ARCN1: variants seen among roughly 807,000 people sequenced by gnomAD.
ARCN1 encodes archain 1 coat protein complex I subunit delta, also known as coatomer subunit delta.
ARCN1 carries 5 observed loss-of-function variants against 60.4 expected under a neutral mutation model. The observed-to-expected ratio is 0.08, with a 90% CI of 0.04 to 0.17. ARCN1 has a LOEUF of 0.17. Among genes scored for constraint, ARCN1 ranks in the 10% least tolerant of loss-of-function variants. The pLI, the probability that ARCN1 is intolerant of heterozygous loss-of-function variation, is 1.00. For synonymous variants in ARCN1, 224 were observed against 220.0 expected, an observed-to-expected ratio of 1.02 and a Z score of -0.16; for missense variants, 464 against 626.5, an observed-to-expected ratio of 0.74 and a Z score of 2.77.
In ARCN1 at chr11:118,602,373, C is replaced by T. The variant is rs1939166872; in HGVS notation, c.*1659C>T. 1 of 153,848 alleles carries T rather than the reference C, an allele frequency of 6.5e-6. No homozygotes were observed. Among genetic ancestry groups the T allele is most frequent in the Admixed American group, 6.5e-5 (1 of 15,276 alleles). 9.5% of individuals were successfully genotyped at this position (153,848 alleles called of 1,614,324 possible). ...AGCCTTGGCTTTTAACTCAATATTC[C>T]AGTCCATAGGGGTGGTTAAAAGTTG... On this transcript the variant is annotated 3_prime_UTR_variant, in exon 10 of 10. Transcript: ENST00000264028.
At position 118,601,519 on chromosome 11, in the gene ARCN1, C is replaced by T; in HGVS notation, c.*805C>T. 1.6e-6 allele frequency: 1 copy of T among 640,366 alleles called. No individual in the cohort carries two copies. Among genetic ancestry groups the T allele is most frequent in the South Asian group, 1.8e-5 (1 of 55,166 alleles). The allele number at this position is 640,366 out of a possible 1,614,324, so 39.7% of individuals were successfully genotyped here. ...ACATTCAGTCAGGCACTGGGATCATCTGTTTACAGGCATTATATTTATTTG... is the reference window on the plus strand; with the variant it reads ...ACATTCAGTCAGGCACTGGGATCATTTGTTTACAGGCATTATATTTATTTG... On this transcript the variant is annotated 3_prime_UTR_variant, in exon 10 of 10. Transcript: ENST00000264028.
chr11:118,601,517 A>G lies in ARCN1; in HGVS notation c.*803A>G. The G allele has an allele frequency of 1.6e-6, 1 of 639,544 alleles. No homozygotes were observed. The highest frequency in any genetic ancestry group is 2.8e-6 in the Non-Finnish European group (1 of 355,796). The allele number at this position is 639,544 out of a possible 1,614,324, so 39.6% of individuals were successfully genotyped here. Reference sequence around the variant, plus strand: ...ATACATTCAGTCAGGCACTGGGATCATCTGTTTACAGGCATTATATTTATT... The same window carrying G: ...ATACATTCAGTCAGGCACTGGGATCGTCTGTTTACAGGCATTATATTTATT... On this transcript the variant is annotated 3_prime_UTR_variant, in exon 10 of 10. Transcript: ENST00000264028.
At chr11:118,600,062 G>A (rs1939116207) in intron 9 of ARCN1, among the ~76,000 whole-genome samples, 2 of 152,168 alleles carry the variant, frequency 1.3e-5, no homozygotes, top group Non-Finnish European at 2.9e-5. Flanking sequence ...TAGAAAATAC[G>A]AATCAGTGGT....
rs1555078353 is a variant in ARCN1, at chr11:118,602,632, C to G, written c.*1918C>G. 1 of 153,772 alleles carries G rather than the reference C, an allele frequency of 6.5e-6. No homozygotes were observed. Among genetic ancestry groups the G allele is most frequent in the Non-Finnish European group, 1.5e-5 (1 of 68,050 alleles). The allele number at this position is 153,772 out of a possible 1,614,324, so 9.5% of individuals were successfully genotyped here. On this transcript the variant is annotated 3_prime_UTR_variant, in exon 10 of 10. Coordinates refer to ENST00000264028, the MANE Select transcript of ARCN1 (RefSeq NM_001655.5). ...CTGCATCAGGGAAGAATTCTTATCT[C>G]TAGCTTGGTTTCCACATGAGGTTTT...
At chr11:118,581,168 A>C in intron 1 of ARCN1, 78 bp from the exon 2 acceptor site, 1 of 1,543,096 alleles carries the variant, frequency 6.5e-7, no homozygotes, top group African/African-American at 1.4e-5. Flanking sequence ...ATGTCATTCT[A>C]TGGAACATTT....
chr11:118,590,156 T>C (rs1938867576), intron 5 of ARCN1, among the ~76,000 whole-genome samples, 185 bp from the exon 6 acceptor site: 1 of 151,970 alleles, frequency 6.6e-6, no homozygotes, highest in African/African-American at 2.4e-5. Context: ...CCACCACGCC[T>C]GGCTAATTTT....
In ARCN1 at chr11:118,578,874, CTTTTTT is replaced by C. The variant is rs56050047; in HGVS notation, c.4-2345_4-2340del. Among the ~76,000 whole-genome samples the C allele has an allele frequency of 1.3e-4, 11 of 83,470 alleles. No homozygotes were observed. The East Asian group carries it at 2.1e-3, about 16-fold the overall frequency. The allele number at this position is 83,470 out of a possible 152,430, so 54.8% of individuals were successfully genotyped here. A position where few individuals can be genotyped will look rare whatever the true frequency, so the allele number is the denominator to read the frequency against. On this transcript the variant is annotated intron_variant, in intron 1 of 9. Transcript: ENST00000264028. Reference sequence around the variant, plus strand: ...GGCAACATGGCAAAACCCCGTCTCTCTTTTTTTTTTTTTTTTTTTTTTTTTTTTTTT... The same window carrying C: ...GGCAACATGGCAAAACCCCGTCTCTCTTTTTTTTTTTTTTTTTTTTTTTTT...
intron 5 of ARCN1, among the ~76,000 whole-genome samples, chr11:118,587,511 A>C (rs1373732319): frequency 1.3e-5 from 2 of 152,192 alleles, no homozygotes; most frequent in Non-Finnish European, 2.9e-5. Context: ...AATGCGCAAT[A>C]CCTTACCCTA....
intron 9 of ARCN1, among the ~76,000 whole-genome samples, chr11:118,599,251 C>A (rs1395321197): frequency 1.3e-5 from 2 of 151,902 alleles, no homozygotes; most frequent in Non-Finnish European, 2.9e-5. Flanking sequence ...CGCCACCACG[C>A]CTGTCTGATT....
chr11:118,601,479 G>A lies in ARCN1; in HGVS notation c.*765G>A. 1 of 613,614 alleles carries A rather than the reference G, an allele frequency of 1.6e-6. No homozygotes were observed. Among genetic ancestry groups the A allele is most frequent in the Non-Finnish European group, 2.9e-6 (1 of 345,982 alleles). 38.0% of individuals were successfully genotyped at this position (613,614 alleles called of 1,614,324 possible). A position where few individuals can be genotyped will look rare whatever the true frequency, so the allele number is the denominator to read the frequency against. On this transcript the variant is annotated 3_prime_UTR_variant, in exon 10 of 10. Coordinates refer to ENST00000264028, the MANE Select transcript of ARCN1 (RefSeq NM_001655.5). ...TAATCATTCATACCCTTTACCTTTA[G>A]GTTTTTCTTTCTATACATTCAGTCA... is the stretch of plus-strand genomic sequence containing the variant.
intron 8 of ARCN1, 68 bp from the exon 9 acceptor site, chr11:118,597,639 G>T: frequency 6.4e-7 from 1 of 1,553,192 alleles, no homozygotes; most frequent in East Asian, 2.3e-5. Context: ...ATCAAATTTG[G>T]GGTTGGTTTT....
At chr11:118,579,636 G>A (rs1353624804) in intron 1 of ARCN1, among the ~76,000 whole-genome samples, 7 of 151,210 alleles carry the variant, frequency 4.6e-5, no homozygotes, top group African/African-American at 9.7e-5. Context: ...TTCAGTGAGC[G>A]GAGATCTTGC....
chr11:118,591,942 C>T (rs1938921923), intron 6 of ARCN1, among the ~76,000 whole-genome samples: 1 of 151,456 alleles, frequency 6.6e-6, no homozygotes, highest in Non-Finnish European at 1.5e-5. Context: ...TTTTTTGAGA[C>T]GGAGTTTCAC....
intron 8 of ARCN1, among the ~76,000 whole-genome samples, chr11:118,597,322 T>C (rs535774): frequency 0.95 from 144,210 of 152,346 alleles, 68,358 homozygotes; most frequent in East Asian, 1. Flanking sequence ...TTGTCTCCTA[T>C]AAAGAGTGCT....
At chr11:118,579,732 A>G (rs1555074288) in intron 1 of ARCN1, among the ~76,000 whole-genome samples, 1 of 152,046 alleles carries the variant, frequency 6.6e-6, no homozygotes, top group African/African-American at 2.4e-5. Flanking sequence ...TGTTCTTAAA[A>G]TAGTTAATAA....
At chr11:118,581,937 GACACACACAC>G (rs34532442) in intron 2 of ARCN1, among the ~76,000 whole-genome samples, 2 of 140,704 alleles carry the variant, frequency 1.4e-5, no homozygotes, top group Non-Finnish European at 3.1e-5. Context: ...CAGACAGACA[GACACACACAC>G]ACACACACAC....
chr11:118,593,189 T>C (rs1048712561), intron 7 of ARCN1, among the ~76,000 whole-genome samples: 2 of 151,912 alleles, frequency 1.3e-5, no homozygotes, highest in African/African-American at 4.8e-5. Context: ...TCAGCCTCTT[T>C]AGTAGCTGGG....
In ARCN1 at chr11:118,583,337, G is replaced by A. The variant is rs1163677126; in HGVS notation, c.426G>A (p.Lys142=). 1.2e-6 allele frequency: 2 copies of A among 1,613,258 alleles called. No homozygotes were observed. The highest frequency in any genetic ancestry group is 2.2e-5 in the East Asian group (1 of 44,866). The change falls in exon 3 of 10, where the codon AAG becomes AAA. Residue 142 remains lysine, a synonymous_variant. Transcript: ENST00000264028. ...CAGAAATGGATTCTCATGAGGAGAA[G>A]GTGTTCAGAGCCGTCAGAGAGGTAA... ...TFTEMDSHEE[K]VFRAVRETQE...
chr11:118,590,597 A>G (rs1039521273), intron 6 of ARCN1, 91 bp downstream of exon 6: 2 of 1,355,842 alleles, frequency 1.5e-6, no homozygotes, highest in Admixed American at 2.1e-5. Flanking sequence ...ACCACAGAAA[A>G]TTACTTAAGT....
Sources: gnomAD v4.1 joint callset for allele counts (sites outside exome capture counted in the v4.1 genomes callset) on GRCh38, gnomAD v4.1.1 for gene constraint, MANE v1.5 for transcripts, NCBI Gene and HGNC (gene_info 2026-07-23, HGNC 2026-07-21) for gene names.